Variants in ROBO1 observed in about 807,000 individuals in gnomAD.
ROBO1 encodes the protein roundabout guidance receptor 1.
Under a neutral mutation model 195.9 loss-of-function variants are expected in ROBO1, and 149 were observed. The observed-to-expected ratio is 0.76, with a 90% CI of 0.67 to 0.87. ROBO1 has a LOEUF of 0.87. ROBO1 is among the 40% of genes least tolerant of loss of function. The pLI is 0.00. For synonymous variants in ROBO1, 816 were observed against 733.2 expected (o/e 1.11, Z -1.82); for missense variants, 1,933 against 2,068.3 (o/e 0.93, Z 1.27).
chr3:79,575,214 T>TATAA (rs1943426541), intron 2 of ROBO1, among the ~76,000 whole-genome samples: 3 of 114,956 alleles, frequency 2.6e-5, no homozygotes, highest in African/African-American at 1.2e-4. Context: ...ATAACAGATA[T>TATAA]ATATATATAA....
intron 3 of ROBO1, among the ~76,000 whole-genome samples, chr3:79,059,166 G>A (rs2078868016): frequency 6.6e-6 from 1 of 152,084 alleles, no homozygotes; most frequent in Admixed American, 6.6e-5. Flanking sequence ...TAATGAGACT[G>A]ATCATTCATG....
chr3:78,971,528 C>T (rs1471003452), intron 3 of ROBO1, among the ~76,000 whole-genome samples: 1 of 152,148 alleles, frequency 6.6e-6, no homozygotes, highest in Admixed American at 6.5e-5. Context: ...AAAAGGAGGT[C>T]TTGCTACAGG....
chr3:78,823,783 G>T (rs947625071), intron 4 of ROBO1, among the ~76,000 whole-genome samples: 9 of 152,102 alleles, frequency 5.9e-5, no homozygotes, highest in African/African-American at 1.9e-4. Context: ...CCTCATTAGG[G>T]ATTTCTTTTC....
At chr3:79,551,148 T>C (rs1164210956) in intron 2 of ROBO1, among the ~76,000 whole-genome samples, 1 of 152,136 alleles carries the variant, frequency 6.6e-6, no homozygotes, top group Admixed American at 6.6e-5. Context: ...TTACCCAGTC[T>C]GTGATACACT....
chr3:78,700,589 GCTAA>G (rs992078944), intron 8 of ROBO1, among the ~76,000 whole-genome samples: 4 of 152,134 alleles, frequency 2.6e-5, no homozygotes, highest in African/African-American at 9.7e-5. Flanking sequence ...ATCAGGCTTA[GCTAA>G]CTGTGTGTCA....
At chr3:79,441,529 T>C (rs890522418) in intron 2 of ROBO1, among the ~76,000 whole-genome samples, 3 of 152,122 alleles carry the variant, frequency 2.0e-5, no homozygotes, top group African/African-American at 7.2e-5. Flanking sequence ...ACATGGAGCT[T>C]GAATAGATCT....
intron 2 of ROBO1, among the ~76,000 whole-genome samples, chr3:79,417,704 C>T (rs2038062564): frequency 6.6e-6 from 1 of 152,138 alleles, no homozygotes; most frequent in Non-Finnish European, 1.5e-5. Context: ...TGTCGAATCT[C>T]TTTTACATCA....
At chr3:78,802,846 G>C (rs1328279388) in intron 4 of ROBO1, among the ~76,000 whole-genome samples, 3 of 152,008 alleles carry the variant, frequency 2.0e-5, no homozygotes, top group African/African-American at 7.2e-5. Context: ...TATAAGTAGA[G>C]AGATCATATA....
chr3:79,499,580 A>G (rs562080861), intron 2 of ROBO1, among the ~76,000 whole-genome samples: 1 of 152,322 alleles, frequency 6.6e-6, no homozygotes, highest in East Asian at 1.9e-4. Flanking sequence ...TTCCTTCAAA[A>G]CAATGACCAC....
intron 8 of ROBO1, chr3:78,693,368 C>CAAAAA: frequency 2.0e-6 from 3 of 1,525,972 alleles, no homozygotes; most frequent in Admixed American, 2.0e-5. Context: ...TAAAACAAAA[C>CAAAAA]AAAAAAAGAA....
chr3:78,951,742 A>G (rs1056910216), intron 3 of ROBO1, among the ~76,000 whole-genome samples: 7 of 152,098 alleles, frequency 4.6e-5, no homozygotes, highest in African/African-American at 1.7e-4. Context: ...ATATCTAAAT[A>G]TTTACACAAC....
chr3:79,539,753 C>A (rs1941997622), intron 2 of ROBO1, among the ~76,000 whole-genome samples: 1 of 151,986 alleles, frequency 6.6e-6, no homozygotes, highest in Admixed American at 6.6e-5. Flanking sequence ...ACAGAGTGGA[C>A]AATTTTTCAT....
chr3:78,754,951 T>C (rs972296730), intron 4 of ROBO1, among the ~76,000 whole-genome samples: 8 of 152,126 alleles, frequency 5.3e-5, no homozygotes, highest in Non-Finnish European at 7.4e-5. Flanking sequence ...TGGAAAAGCC[T>C]TGGATGCCGT....
rs144304069 is a variant in ROBO1 at position 79,618,140 on chromosome 3, C to T, written c.-50-28179G>A. On this transcript the variant is annotated intron_variant, in intron 1 of 30. Transcript: ENST00000464233. ...AAATAGAGGATTATGTAAAAAAATA[C>T]GAACCTATGAGATATATGCATTTGT... Among the ~76,000 whole-genome samples, 57 of 151,800 alleles carry T rather than the reference C, an allele frequency of 3.8e-4. 1 individual carries two copies. Among genetic ancestry groups the T allele is most frequent in the African/African-American group, 1.3e-3 (54 of 41,432 alleles).
chr3:79,225,885 A>G lies in ROBO1; in HGVS notation c.89-100346T>C, dbSNP rs116389642. ...AATTACTCTCCCCATCCAGGATACC[A>G]TGGTCTTTCAGGTACCTTGTTGTCT... On this transcript the variant is annotated intron_variant, in intron 2 of 30. Transcript: ENST00000464233. 3.8e-3 allele frequency among the ~76,000 whole-genome samples: 571 copies of G among 152,172 alleles called. 5 individuals are homozygous for G. The highest frequency in any genetic ancestry group is 0.013 in the African/African-American group (529 of 41,520).
intron 1 of ROBO1, among the ~76,000 whole-genome samples, chr3:79,674,727 G>T (rs1447912055): frequency 6.6e-6 from 1 of 151,444 alleles, no homozygotes. Context: ...TTTATGCAAG[G>T]ATTTATGAAA....
intron 3 of ROBO1, among the ~76,000 whole-genome samples, chr3:78,955,338 T>C (rs2040994019): frequency 6.6e-6 from 1 of 152,084 alleles, no homozygotes; most frequent in African/African-American, 2.4e-5. Context: ...CTGACATGTA[T>C]TTTTTCTGAA....
intron 3 of ROBO1, among the ~76,000 whole-genome samples, chr3:79,065,224 G>C (rs1324713212): frequency 1.3e-5 from 2 of 151,904 alleles, no homozygotes; most frequent in Admixed American, 1.3e-4. Context: ...ATATAGAAGA[G>C]GCAACTGTGT....
At chr3:79,264,986 C>CG (rs2083010708) in intron 2 of ROBO1, among the ~76,000 whole-genome samples, 1 of 151,804 alleles carries the variant, frequency 6.6e-6, no homozygotes, top group African/African-American at 2.4e-5. Flanking sequence ...ATGTCAGCAG[C>CG]GGCTGGAGGA....
Sources: allele counts gnomAD v4.1 joint callset (sites outside exome capture counted in the v4.1 genomes callset), GRCh38; gene constraint gnomAD v4.1.1; transcripts MANE v1.5; gene names NCBI Gene and HGNC (gene_info 2026-07-23, HGNC 2026-07-21).